The following GLB1L3 variants were observed in gnomAD, a reference collection of about 807,000 sequenced individuals.
GLB1L3 encodes galactosidase beta 1 like 3.
Under a neutral mutation model 89.5 loss-of-function variants are expected in GLB1L3, and 89 were observed. The ratio of observed to expected loss-of-function variants is 0.99; its 90% CI spans 0.84 to 1.19. The LOEUF (loss-of-function observed/expected upper bound fraction) is 1.19, where lower values mean the gene tolerates loss of function less well. Among genes scored for constraint, GLB1L3 ranks in the 50% most tolerant of loss-of-function variants. The pLI is 0.00. For missense variants in GLB1L3, 812 were observed against 813.3 expected, an observed-to-expected ratio of 1.00 and a Z score of 0.02; for synonymous variants, 314 against 312.3, an observed-to-expected ratio of 1.01 and a Z score of -0.06.
chr11:134,287,408 C>T (rs1941078464), intron 6 of GLB1L3: 1 of 152,154 alleles, frequency 6.6e-6, no homozygotes, highest in Non-Finnish European at 1.5e-5. Context: ...TTTAAGGTCC[C>T]TTTACGGAAT....
At chr11:134,293,357 A>G in intron 9 of GLB1L3, 148 bp downstream of exon 9, 1 of 658,418 alleles carries the variant, frequency 1.5e-6, no homozygotes, top group Non-Finnish European at 2.7e-6. Context: ...CCATTTTGGG[A>G]GCCTTTTGGG....
intron 9 of GLB1L3, among the ~76,000 whole-genome samples, chr11:134,297,637 G>C (rs532683734): frequency 6.6e-6 from 1 of 152,102 alleles, no homozygotes; most frequent in South Asian, 2.1e-4. Context: ...GAGGTGGGCG[G>C]ATCATTTGAG....
intron 9 of GLB1L3, chr11:134,305,271 C>A: frequency 1.4e-6 from 1 of 699,572 alleles, no homozygotes; most frequent in South Asian, 1.6e-5. Context: ...AGCTTGTGCA[C>A]CCTATTCTGT....
chr11:134,323,215 T>C (rs1041723439), downstream of GLB1L3, among the ~76,000 whole-genome samples: 1 of 152,156 alleles, frequency 6.6e-6, no homozygotes. Context: ...AGTCATGCAA[T>C]TGGACTTTAA....
At chr11:134,309,339 T>C (rs1263685166) in intron 10 of GLB1L3, among the ~76,000 whole-genome samples, 3 of 152,226 alleles carry the variant, frequency 2.0e-5, no homozygotes, top group Admixed American at 6.5e-5. Context: ...AGTAGGTCTT[T>C]AACGTCATCA....
chr11:134,318,419 G>T (rs1003198690), intron 18 of GLB1L3, among the ~76,000 whole-genome samples: 1 of 152,146 alleles, frequency 6.6e-6, no homozygotes, highest in South Asian at 2.1e-4. Context: ...AGGAACAATA[G>T]CAGCCTTACC....
intron 9 of GLB1L3, among the ~76,000 whole-genome samples, chr11:134,302,594 T>C (rs1461984187): frequency 6.6e-6 from 1 of 152,222 alleles, no homozygotes; most frequent in Non-Finnish European, 1.5e-5. Context: ...AGAGAATGTG[T>C]AGTGAAAATT....
Position 134,277,773 on chromosome 11 carries a change from C to T in GLB1L3, c.223C>T (p.Arg75Trp). 1 of 1,613,882 alleles carries T rather than the reference C, an allele frequency of 6.2e-7. No individual in the cohort carries two copies. The highest frequency in any genetic ancestry group is 8.5e-7 in the Non-Finnish European group (1 of 1,179,950). The change falls in exon 3 of 20, where the codon CGG becomes TGG. Residue 75 changes from arginine to tryptophan, a missense_variant. Arg to Trp is a moderately radical substitution (Grantham distance 101). Coordinates refer to ENST00000431683, the MANE Select transcript of GLB1L3 (RefSeq NM_001080407.3). ...SVGLGTESTGRGKPHFTLEGH... is the reference protein window; with the variant it reads ...SVGLGTESTGWGKPHFTLEGH... ...GGGACTTGGAACTGAAAGCACAGGT[C>T]GGGGTAAGCCCCACTTCACACTGGA...
At chr11:134,301,107 A>G (rs921065252) in intron 9 of GLB1L3, among the ~76,000 whole-genome samples, 2 of 152,076 alleles carry the variant, frequency 1.3e-5, no homozygotes, top group Admixed American at 1.3e-4. Flanking sequence ...AATATGATCT[A>G]TTTGTGTTAT....
intron 9 of GLB1L3, among the ~76,000 whole-genome samples, chr11:134,303,269 A>G (rs1464360447): frequency 6.6e-6 from 1 of 152,156 alleles, no homozygotes; most frequent in Non-Finnish European, 1.5e-5. Context: ...GAGATCAGAA[A>G]TTAGTTGAAT....
downstream of GLB1L3, among the ~76,000 whole-genome samples, chr11:134,323,910 C>T (rs560903831): frequency 1.2e-4 from 18 of 152,122 alleles, no homozygotes; most frequent in East Asian, 3.3e-3. Flanking sequence ...ATGTCGTGTA[C>T]TCTGTTTTTG....
rs1940380980 is a variant in GLB1L3 at position 134,276,597 on chromosome 11, T to C, written c.-144T>C. On this transcript the variant is annotated 5_prime_UTR_variant, in exon 1 of 20. Coordinates refer to ENST00000431683, the MANE Select transcript of GLB1L3 (RefSeq NM_001080407.3). ...CCCGGCGCCCGCGCCTCGGGACGGATTTCTGCCTCGGCTGCAGGCGCAGCG... is the reference window on the plus strand; with the variant it reads ...CCCGGCGCCCGCGCCTCGGGACGGACTTCTGCCTCGGCTGCAGGCGCAGCG... 3 of 731,018 alleles carry C rather than the reference T, an allele frequency of 4.1e-6. No homozygotes were observed. In the East Asian group the frequency reaches 1.1e-4, roughly 26 times the overall value. The allele number at this position is 731,018 out of a possible 1,614,324, so 45.3% of individuals were successfully genotyped here.
intron 9 of GLB1L3, among the ~76,000 whole-genome samples, chr11:134,296,037 C>G (rs969910330): frequency 1.7e-4 from 26 of 152,090 alleles, no homozygotes; most frequent in Admixed American, 1.6e-3. Context: ...ATAATATGGT[C>G]ATTCTTGGTG....
intron 6 of GLB1L3, chr11:134,287,196 G>C (rs1295235851): frequency 6.6e-6 from 1 of 152,206 alleles, no homozygotes; most frequent in African/African-American, 2.4e-5. Context: ...CTGAATATTT[G>C]GATGGAAGTT....
intron 6 of GLB1L3, among the ~76,000 whole-genome samples, chr11:134,284,275 C>A (rs1320515348): frequency 6.6e-6 from 1 of 152,152 alleles, no homozygotes; most frequent in Non-Finnish European, 1.5e-5. Context: ...TTTTGTGTCT[C>A]TTTTTAGAGA....
chr11:134,307,001 G>C, intron 9 of GLB1L3, 123 bp from the exon 10 acceptor site: 1 of 655,970 alleles, frequency 1.5e-6, no homozygotes. Flanking sequence ...AAACGGGAAA[G>C]CTCTGAATTG....
rs966032606 is a variant in GLB1L3, at chr11:134,283,837, C to T, written c.628C>T (p.Pro210Ser). 2 of 1,598,770 alleles carry T rather than the reference C, an allele frequency of 1.3e-6. No homozygotes were observed. Among genetic ancestry groups the T allele is most frequent in the African/African-American group, 2.7e-5 (2 of 74,592 alleles). ...TGACCACCTGATTCCCAGAGTGATT[C>T]CTCTCCAGGTAAAGCCAAATTGTCC... ...YFDHLIPRVI[P>S]LQYRQAGPVI... Residue 210 changes from proline (P) to serine (S), a missense_variant, in exon 6 of 20, where the codon CCT becomes TCT. Pro to Ser is a moderately conservative substitution (Grantham distance 74, BLOSUM62 -1). Around this residue, in one of 3 missense-constraint regions of GLB1L3, gnomAD observed 618 missense variants for 604.0 expected, o/e 1.02. Coordinates refer to ENST00000431683, the MANE Select transcript of GLB1L3 (RefSeq NM_001080407.3).
At chr11:134,300,489 C>T (rs1037346200) in intron 9 of GLB1L3, among the ~76,000 whole-genome samples, 7 of 152,156 alleles carry the variant, frequency 4.6e-5, no homozygotes, top group African/African-American at 7.2e-5. Context: ...CCCTCCACCA[C>T]GCCAGGCTAA....
Position 134,301,402 on chromosome 11 carries a change from CTAAAATA to C in GLB1L3, c.877-5718_877-5712del, listed in dbSNP as rs573496685. Among the ~76,000 whole-genome samples, 46 of 152,282 alleles carry C rather than the reference CTAAAATA, an allele frequency of 3.0e-4. 2 individuals carry two copies. The South Asian group carries it at 8.1e-3, about 27-fold the overall frequency. On this transcript the variant is annotated intron_variant, in intron 9 of 19. Transcript: ENST00000431683. ...TAGGAATATGTCCATTTCACTCAAA[CTAAAATA>C]TAATGGCATATAATTATGCACACTA...
Sources: gnomAD v4.1 joint callset for allele counts (sites outside exome capture counted in the v4.1 genomes callset) on GRCh38, gnomAD v4.1.1 for gene constraint, gnomAD v4.1.1 regional missense constraint, MANE v1.5 for transcripts, NCBI Gene and HGNC (gene_info 2026-07-23, HGNC 2026-07-21) for gene names.